Variants in SORCS3 observed in about 807,000 individuals in gnomAD.
SORCS3 encodes the protein sortilin related VPS10 domain containing receptor 3, also known as VPS10 domain-containing receptor SorCS3.
A neutral mutation model predicts 146.3 loss-of-function variants in SORCS3; 57 were observed. The observed-to-expected ratio is 0.39, with a 90% confidence interval of 0.31 to 0.49. The LOEUF (loss-of-function observed/expected upper bound fraction) is 0.49, where lower values mean the gene tolerates loss of function less well. SORCS3 is among the 20% of genes least tolerant of loss of function. The pLI is 0.92. For synonymous variants in SORCS3, 653 were observed against 618.5 expected (o/e 1.06, Z -0.83); for missense variants, 1,341 against 1,575.5 (o/e 0.85, Z 2.52).
At position 105,217,094 on chromosome 10, in the gene SORCS3, C is replaced by T; in HGVS notation, c.2706C>T (p.Asp902=). ...TAYAENNLGS[D]TAVLFLHVVC... ...ATGCAGAGAACAACCTTGGCTCAGA[C>T]ACAGCTGTCCTCTTCCTGCATGTGG... Residue 902 remains aspartate (D), a synonymous_variant, in exon 19 of 27, where the codon GAC becomes GAT. Coordinates refer to ENST00000369701, the MANE Select transcript of SORCS3 (RefSeq NM_014978.3). 1 of 1,614,140 alleles carries T rather than the reference C, an allele frequency of 6.2e-7. No individual in the cohort carries two copies. The highest frequency in any genetic ancestry group is 8.5e-7 in the Non-Finnish European group (1 of 1,180,022).
At chr10:104,844,198 C>T (rs139462236) in intron 2 of SORCS3, among the ~76,000 whole-genome samples, 8 of 152,216 alleles carry the variant, frequency 5.3e-5, no homozygotes, top group Non-Finnish European at 7.4e-5. Flanking sequence ...TAGCATGCCT[C>T]GAACAAATGA....
chr10:104,882,814 G>A (rs966568780), intron 2 of SORCS3, among the ~76,000 whole-genome samples: 9 of 152,202 alleles, frequency 5.9e-5, no homozygotes, highest in Non-Finnish European at 1.0e-4. Context: ...GAAGATATCA[G>A]AAAAGCTAGT....
chr10:105,147,849 T>TC (rs2056143008), intron 9 of SORCS3, 53 bp downstream of exon 9: 1 of 1,492,510 alleles, frequency 6.7e-7, no homozygotes. Context: ...TTTCCTGAGT[T>TC]TTAATGGTAT....
intron 14 of SORCS3, among the ~76,000 whole-genome samples, chr10:105,196,525 G>A (rs1162100194): frequency 6.6e-5 from 10 of 152,138 alleles, no homozygotes; most frequent in Admixed American, 6.5e-4. Context: ...GAATTGCTCG[G>A]ACCAGGGAGG....
chr10:104,713,947 T>C (rs2016448197), intron 1 of SORCS3, among the ~76,000 whole-genome samples: 1 of 152,198 alleles, frequency 6.6e-6, no homozygotes, highest in African/African-American at 2.4e-5. Context: ...ATAGGGATAT[T>C]CAAGTTATTT....
At chr10:105,155,568 T>C (rs2056201434) in intron 9 of SORCS3, among the ~76,000 whole-genome samples, 1 of 152,166 alleles carries the variant, frequency 6.6e-6, no homozygotes, top group African/African-American at 2.4e-5. Context: ...TGAGGAATGA[T>C]TAGTAGTCAG....
chr10:105,055,878 G>A (rs2055442691), intron 5 of SORCS3, among the ~76,000 whole-genome samples: 1 of 152,092 alleles, frequency 6.6e-6, no homozygotes, highest in African/African-American at 2.4e-5. Context: ...AAATTCAAAA[G>A]TCATCAAACT....
At chr10:104,981,714 A>T (rs1429380445) in intron 4 of SORCS3, among the ~76,000 whole-genome samples, 9 of 152,180 alleles carry the variant, frequency 5.9e-5, no homozygotes, top group Non-Finnish European at 7.4e-5. Context: ...TGCAGTTTTT[A>T]AAAAAATGGG....
chr10:105,144,215 C>T (rs902334713), intron 8 of SORCS3, among the ~76,000 whole-genome samples: 1 of 152,134 alleles, frequency 6.6e-6, no homozygotes, highest in Non-Finnish European at 1.5e-5. Context: ...CCACACATTT[C>T]CTTGACTGTT....
chr10:105,052,231 A>G (rs1314282011), intron 5 of SORCS3, among the ~76,000 whole-genome samples: 1 of 152,188 alleles, frequency 6.6e-6, no homozygotes, highest in Non-Finnish European at 1.5e-5. Context: ...ATTTGTGTGC[A>G]TTAAACATGG....
chr10:105,095,978 A>G (rs2055743205), intron 6 of SORCS3, among the ~76,000 whole-genome samples: 1 of 152,158 alleles, frequency 6.6e-6, no homozygotes, highest in Admixed American at 6.5e-5. Context: ...GCAAATATTA[A>G]TATAGAAATT....
At chr10:105,115,510 A>G (rs1244319653) in intron 7 of SORCS3, among the ~76,000 whole-genome samples, 2 of 152,196 alleles carry the variant, frequency 1.3e-5, no homozygotes, top group Non-Finnish European at 2.9e-5. Context: ...GTATCAACAT[A>G]TGTGCATGAT....
intron 4 of SORCS3, among the ~76,000 whole-genome samples, chr10:104,992,296 C>G (rs1418120341): frequency 6.6e-6 from 1 of 152,134 alleles, no homozygotes; most frequent in Non-Finnish European, 1.5e-5. Flanking sequence ...AGATGGTGCC[C>G]AGACCATGAG....
At chr10:105,226,715 T>A (rs1458771146) in intron 20 of SORCS3, among the ~76,000 whole-genome samples, 1 of 151,998 alleles carries the variant, frequency 6.6e-6, no homozygotes, top group Non-Finnish European at 1.5e-5. Flanking sequence ...AGACTTTTTG[T>A]TACTAATTAA....
intron 1 of SORCS3, among the ~76,000 whole-genome samples, chr10:104,764,004 T>C (rs1419291293): frequency 2.8e-5 from 3 of 109,016 alleles, no homozygotes; most frequent in Non-Finnish European, 7.0e-5. Context: ...AATTAAACCT[T>C]TTTTTTTTTT....
intron 1 of SORCS3, among the ~76,000 whole-genome samples, chr10:104,809,151 A>G (rs138510325): frequency 6.6e-6 from 1 of 152,350 alleles, no homozygotes; most frequent in East Asian, 1.9e-4. Context: ...GGATATACAA[A>G]TAGGATTTAA....
At chr10:104,772,254 G>T (rs1394806857) in intron 1 of SORCS3, among the ~76,000 whole-genome samples, 1 of 151,762 alleles carries the variant, frequency 6.6e-6, no homozygotes, top group Non-Finnish European at 1.5e-5. Flanking sequence ...GGGTGGGTGG[G>T]CAAGGATCTG....
intron 3 of SORCS3, among the ~76,000 whole-genome samples, chr10:104,935,677 G>A (rs1525394): frequency 0.28 from 41,864 of 151,326 alleles, 7,433 homozygotes; most frequent in African/African-American, 0.51. Context: ...GGTCTAGGAA[G>A]CTCAGAAGGA....
At chr10:105,255,921 C>G in intron 24 of SORCS3, 120 bp downstream of exon 24, 2 of 727,034 alleles carry the variant, frequency 2.8e-6, no homozygotes, top group South Asian at 3.9e-5. Flanking sequence ...TAGAAGGGTC[C>G]TTTTTGTAGT....
Sources: allele counts gnomAD v4.1 joint callset (sites outside exome capture counted in the v4.1 genomes callset), GRCh38; gene constraint gnomAD v4.1.1; transcripts MANE v1.5; gene names NCBI Gene and HGNC (gene_info 2026-07-23, HGNC 2026-07-21).